The following SLC9A9 variants were observed in gnomAD, a reference collection of about 807,000 sequenced individuals.
SLC9A9 encodes sodium/hydrogen exchanger 9.
Under a neutral mutation model 77.8 loss-of-function variants are expected in SLC9A9, and 62 were observed. The ratio of observed to expected loss-of-function variants is 0.80; its 90% CI spans 0.65 to 0.98. The LOEUF (loss-of-function observed/expected upper bound fraction) is 0.98, where lower values mean the gene tolerates loss of function less well. SLC9A9 is among the 50% of genes least tolerant of loss of function. SLC9A9 has a pLI of 0.00. For missense variants in SLC9A9, 775 were observed against 774.9 expected (o/e 1.00, Z 0.00); for synonymous variants, 320 against 283.5 (o/e 1.13, Z -1.29).
chr3:143,847,189 G>A (rs982626470), intron 1 of SLC9A9, among the ~76,000 whole-genome samples: 2 of 152,162 alleles, frequency 1.3e-5, no homozygotes, highest in East Asian at 1.9e-4. Context: ...TTTCCAAAAT[G>A]AGGAAACCCC....
chr3:143,698,229 G>A (rs966082905), intron 4 of SLC9A9: 4 of 153,742 alleles, frequency 2.6e-5, no homozygotes, highest in African/African-American at 9.6e-5. Context: ...TCCTCCTGTG[G>A]ACACTCTGAG....
chr3:143,483,947 A>C (rs1468835960), intron 11 of SLC9A9, among the ~76,000 whole-genome samples: 1 of 152,186 alleles, frequency 6.6e-6, no homozygotes, highest in Admixed American at 6.5e-5. Flanking sequence ...CCTACCCAAG[A>C]AAGTGCATCA....
intron 5 of SLC9A9, among the ~76,000 whole-genome samples, chr3:143,692,538 T>C (rs1933502738): frequency 6.6e-6 from 1 of 152,170 alleles, no homozygotes. Context: ...GAAGGGCATA[T>C]GCCAATTCTT....
chr3:143,437,457 C>T (rs1016974572), intron 12 of SLC9A9, among the ~76,000 whole-genome samples: 6 of 152,244 alleles, frequency 3.9e-5, no homozygotes, highest in African/African-American at 1.4e-4. Context: ...AGGGCCCTGT[C>T]ATACCCAGGT....
At chr3:143,372,950 A>G (rs1331476415) in intron 13 of SLC9A9, among the ~76,000 whole-genome samples, 1 of 152,234 alleles carries the variant, frequency 6.6e-6, no homozygotes, top group Admixed American at 6.5e-5. Flanking sequence ...AAAAGTCAAA[A>G]AACAATAGTC....
chr3:143,786,373 C>CT (rs766556708), intron 4 of SLC9A9, among the ~76,000 whole-genome samples: 7 of 152,092 alleles, frequency 4.6e-5, no homozygotes, highest in Non-Finnish European at 7.4e-5. Flanking sequence ...ATTTGTTCCC[C>CT]TTTTTTATTC....
At chr3:143,644,604 A>G (rs2038674026) in intron 6 of SLC9A9, among the ~76,000 whole-genome samples, 1 of 152,210 alleles carries the variant, frequency 6.6e-6, no homozygotes, top group African/African-American at 2.4e-5. Context: ...CACACAACTT[A>G]AAGCTGGAAT....
intron 12 of SLC9A9, among the ~76,000 whole-genome samples, chr3:143,433,381 A>G (rs2034563434): frequency 6.6e-6 from 1 of 152,220 alleles, no homozygotes; most frequent in Non-Finnish European, 1.5e-5. Context: ...GACTCTGCTT[A>G]TCTCTTCAGT....
chr3:143,495,252 TA>T (rs2035812761), intron 10 of SLC9A9, 82 bp downstream of exon 10: 6 of 1,222,030 alleles, frequency 4.9e-6, no homozygotes, highest in African/African-American at 3.0e-5. Context: ...GAAAGTGCTT[TA>T]ATGATTTAAC....
chr3:143,756,367 A>G (rs2006924553), intron 4 of SLC9A9, among the ~76,000 whole-genome samples: 1 of 152,180 alleles, frequency 6.6e-6, no homozygotes, highest in Non-Finnish European at 1.5e-5. Flanking sequence ...AAGGAAGGTT[A>G]CCTACCAGTA....
chr3:143,508,733 G>C (rs2036068665), intron 9 of SLC9A9, among the ~76,000 whole-genome samples: 1 of 152,126 alleles, frequency 6.6e-6, no homozygotes, highest in South Asian at 2.1e-4. Flanking sequence ...TAATTAAACT[G>C]ATTTACTATT....
rs1237307498 is a variant in SLC9A9 at position 143,717,872 on chromosome 3, G to C, written c.534-24565C>G. The stretch of plus-strand genomic sequence containing the variant: ...ATACACACAAAAAATCACATTTTCT[G>C]TTGCAAATGGCCTTGTCCATTTGCA... On this transcript the variant is annotated intron_variant, in intron 4 of 15. Coordinates refer to ENST00000316549, the MANE Select transcript of SLC9A9 (RefSeq NM_173653.4). Among the ~76,000 whole-genome samples, 5 of 152,004 alleles carry C rather than the reference G, an allele frequency of 3.3e-5. No homozygotes were observed. In the East Asian group the frequency reaches 9.6e-4, roughly 29 times the overall value.
At chr3:143,440,452 T>C (rs557557090) in intron 12 of SLC9A9, among the ~76,000 whole-genome samples, 54 of 152,260 alleles carry the variant, frequency 3.5e-4, no homozygotes, top group African/African-American at 1.3e-3. Flanking sequence ...GTTTGGCCCC[T>C]AACTAGGGGG....
At chr3:143,621,370 G>A (rs1423009845) in intron 6 of SLC9A9, among the ~76,000 whole-genome samples, 2 of 152,220 alleles carry the variant, frequency 1.3e-5, no homozygotes, top group Non-Finnish European at 2.9e-5. Flanking sequence ...CCCCCCAGTA[G>A]GGGCAGACTG....
intron 9 of SLC9A9, among the ~76,000 whole-genome samples, chr3:143,501,849 C>T (rs1269711217): frequency 1.3e-5 from 2 of 150,700 alleles, no homozygotes; most frequent in African/African-American, 2.5e-5. Flanking sequence ...CCAAAATCTC[C>T]TGAAGGCATG....
At chr3:143,376,814 T>C (rs566753965) in intron 13 of SLC9A9, among the ~76,000 whole-genome samples, 1 of 152,348 alleles carries the variant, frequency 6.6e-6, no homozygotes, top group South Asian at 2.1e-4. Context: ...TATTTTATTT[T>C]TCTCAAAATA....
At chr3:143,758,240 T>C (rs1473998512) in intron 4 of SLC9A9, among the ~76,000 whole-genome samples, 5 of 152,198 alleles carry the variant, frequency 3.3e-5, no homozygotes, top group Non-Finnish European at 7.4e-5. Flanking sequence ...ATGAAAATCT[T>C]ATGTAGAACA....
At chr3:143,752,775 T>C (rs905430809) in intron 4 of SLC9A9, among the ~76,000 whole-genome samples, 1 of 151,956 alleles carries the variant, frequency 6.6e-6, no homozygotes, top group Non-Finnish European at 1.5e-5. Flanking sequence ...TAGAACATTG[T>C]TAAAATGGAT....
chr3:143,451,648 G>C (rs530441508), intron 12 of SLC9A9, among the ~76,000 whole-genome samples: 1 of 152,156 alleles, frequency 6.6e-6, no homozygotes, highest in South Asian at 2.1e-4. Context: ...GGAGAAAAGG[G>C]GAAGTTCCCC....
Sources: gnomAD v4.1 joint callset for allele counts (sites outside exome capture counted in the v4.1 genomes callset) on GRCh38, gnomAD v4.1.1 for gene constraint, MANE v1.5 for transcripts, NCBI Gene and HGNC (gene_info 2026-07-23, HGNC 2026-07-21) for gene names.